The following RIN3 variants were observed in gnomAD, a reference collection of about 807,000 sequenced individuals.
RIN3 encodes RAB5 interacting protein 3.
A neutral mutation model predicts 76.3 loss-of-function variants in RIN3; 54 were observed. The observed-to-expected ratio is 0.71, with a 90% confidence interval of 0.57 to 0.89. RIN3 has a LOEUF of 0.89. RIN3 is among the 40% of genes least tolerant of loss of function. The pLI is 0.00. For synonymous variants in RIN3, 576 were observed against 564.0 expected, an observed-to-expected ratio of 1.02 and a Z score of -0.30; for missense variants, 1,256 against 1,322.1, an observed-to-expected ratio of 0.95 and a Z score of 0.78.
At chr14:92,547,073 TTA>T (rs1897287981) in intron 1 of RIN3, among the ~76,000 whole-genome samples, 1 of 71,250 alleles carries the variant, frequency 1.4e-5, no homozygotes, top group Non-Finnish European at 3.6e-5. Context: ...ATATTTTATT[TTA>T]TATTATATTA....
intron 8 of RIN3, among the ~76,000 whole-genome samples, chr14:92,683,106 G>A (rs1401773776): frequency 6.6e-6 from 1 of 152,090 alleles, no homozygotes; most frequent in Non-Finnish European, 1.5e-5. Context: ...GGCGGAGGTT[G>A]CAATGTGCCT....
At chr14:92,583,190 T>G (rs1016941924) in intron 3 of RIN3, among the ~76,000 whole-genome samples, 2 of 152,312 alleles carry the variant, frequency 1.3e-5, no homozygotes, top group East Asian at 3.9e-4. Context: ...GGCCCAGGCC[T>G]GGAACTGGGG....
intron 5 of RIN3, among the ~76,000 whole-genome samples, chr14:92,649,934 G>A (rs1335724921): frequency 6.6e-6 from 1 of 152,164 alleles, no homozygotes; most frequent in African/African-American, 2.4e-5. Flanking sequence ...CTTCCGGTCT[G>A]TTTCTTCAGT....
At chr14:92,669,671 G>A (rs932602878) in intron 7 of RIN3, among the ~76,000 whole-genome samples, 3 of 152,146 alleles carry the variant, frequency 2.0e-5, no homozygotes, top group Admixed American at 6.5e-5. Context: ...TTGATAAGAT[G>A]CTCAGTCCTT....
intron 2 of RIN3, among the ~76,000 whole-genome samples, chr14:92,567,726 C>T (rs1337558727): frequency 6.6e-6 from 1 of 150,444 alleles, no homozygotes; most frequent in Non-Finnish European, 1.5e-5. Context: ...GCAGCAAAGA[C>T]TTTGTGGCTC....
chr14:92,674,889 CAAAAAAAA>C (rs34494858), intron 7 of RIN3, among the ~76,000 whole-genome samples: 1 of 118,544 alleles, frequency 8.4e-6, no homozygotes, highest in East Asian at 2.5e-4. Flanking sequence ...AACTCTGTCT[CAAAAAAAA>C]AAAAAAAAGG....
intron 3 of RIN3, among the ~76,000 whole-genome samples, chr14:92,611,559 A>G (rs936650087): frequency 5.9e-5 from 9 of 152,086 alleles, no homozygotes; most frequent in African/African-American, 2.2e-4. Flanking sequence ...AGCCCATCAC[A>G]TGGCCTTCTT....
intron 2 of RIN3, among the ~76,000 whole-genome samples, chr14:92,576,764 G>A (rs1898251623): frequency 6.6e-6 from 1 of 152,210 alleles, no homozygotes; most frequent in Non-Finnish European, 1.5e-5. Flanking sequence ...GGAGAGGATA[G>A]AGCAAGTTAC....
rs1455328342 is a variant in RIN3, at chr14:92,688,098, C to A, written c.2804C>A (p.Ala935Glu). The change falls in exon 10 of 10, where the codon GCG (alanine) becomes GAG (glutamate). Residue 935 changes from alanine to glutamate, a missense_variant. Ala to Glu is a moderately radical substitution (Grantham distance 107). Transcript: ENST00000216487. ...GTGGACGGGCGCTGCTTCCAGCTGG[C>A]GGACGACGCGCTGCCGCACTGCATC... ...VLVDGRCFQL[A>E]DDALPHCIKG... 6.2e-7 allele frequency: 1 copy of A among 1,606,998 alleles called. No homozygotes were observed. Among genetic ancestry groups the A allele is most frequent in the African/African-American group, 1.3e-5 (1 of 74,970 alleles).
intron 4 of RIN3, among the ~76,000 whole-genome samples, chr14:92,639,106 C>T (rs1436146984): frequency 6.6e-6 from 1 of 152,194 alleles, no homozygotes; most frequent in Admixed American, 6.5e-5. Flanking sequence ...CTTGGAGCCT[C>T]GTGGTGAGTG....
At chr14:92,592,011 A>T (rs1485759872) in intron 3 of RIN3, among the ~76,000 whole-genome samples, 1 of 152,236 alleles carries the variant, frequency 6.6e-6, no homozygotes, top group Non-Finnish European at 1.5e-5. Flanking sequence ...TCTATTACTT[A>T]TGCTTATGTG....
At chr14:92,526,879 C>T (rs545926841) in intron 1 of RIN3, among the ~76,000 whole-genome samples, 1 of 152,196 alleles carries the variant, frequency 6.6e-6, no homozygotes, top group Admixed American at 6.5e-5. Flanking sequence ...AGTCTGAAAT[C>T]AAGTTACAGC....
chr14:92,653,069 G>A lies in RIN3; in HGVS notation c.2020G>A (p.Glu674Lys). 1 of 1,600,776 alleles carries A rather than the reference G, an allele frequency of 6.2e-7. No individual in the cohort carries two copies. Among genetic ancestry groups the A allele is most frequent in the Non-Finnish European group, 8.5e-7 (1 of 1,178,098 alleles). ...LVDPALHSEEELEAIVESALY... is the reference protein window; with the variant it reads ...LVDPALHSEEKLEAIVESALY... ...GGACCCCGCCCTGCACTCCGAGGAG[G>A]AGCTCGGTCAGTGCCCTGGGAGGAG... Residue 674 changes from glutamate (E) to lysine (K), a missense_variant, in exon 6 of 10, where the codon GAG becomes AAG. This residue lies in a region of RIN3 where 428 missense variants were observed against 521.2 expected (regional missense o/e 0.82). Transcript: ENST00000216487.
intron 1 of RIN3, among the ~76,000 whole-genome samples, chr14:92,542,063 CAGG>C (rs955163550): frequency 6.6e-6 from 1 of 152,108 alleles, no homozygotes; most frequent in Admixed American, 6.5e-5. Context: ...AAAGCTGAGG[CAGG>C]AGGATTGCTT....
At chr14:92,592,540 C>T (rs564179263) in intron 3 of RIN3, among the ~76,000 whole-genome samples, 1 of 151,790 alleles carries the variant, frequency 6.6e-6, no homozygotes, top group African/African-American at 2.4e-5. Context: ...AACCTATGCA[C>T]ACCCTCCTGT....
At chr14:92,529,307 G>C (rs55703805) in intron 1 of RIN3, among the ~76,000 whole-genome samples, 9,408 of 150,030 alleles carry the variant, frequency 0.063, 1,002 homozygotes, top group African/African-American at 0.22. Flanking sequence ...GGAGTGCAGT[G>C]GTGTGATCTC....
Position 92,652,045 on chromosome 14 carries a change from T to C in RIN3, c.996T>C (p.His332=), listed in dbSNP as rs1463705198. ...VTPHAPGPPD[H]PNQPPMMTCE... ...CCCATGCCCCAGGTCCCCCAGACCA[T>C]CCGAACCAGCCGCCCATGATGACCT... The change falls in exon 6 of 10, where the codon CAT becomes CAC. Residue 332 remains histidine, a synonymous_variant. Coordinates refer to ENST00000216487, the MANE Select transcript of RIN3 (RefSeq NM_024832.5). This position sits in a 1 kb window ranked among gnomAD's most constrained non-coding sequence, Gnocchi z 6.4. 1 of 1,394,548 alleles carries C rather than the reference T, an allele frequency of 7.2e-7. No individual in the cohort carries two copies. Among genetic ancestry groups the C allele is most frequent in the East Asian group, 3.4e-5 (1 of 29,070 alleles). The allele number at this position is 1,394,548 out of a possible 1,614,324, so 86.4% of individuals were successfully genotyped here. A position where few individuals can be genotyped will look rare whatever the true frequency, so the allele number is the denominator to read the frequency against.
intron 1 of RIN3, among the ~76,000 whole-genome samples, chr14:92,550,523 C>T (rs1424628785): frequency 2.0e-5 from 3 of 152,178 alleles, no homozygotes; most frequent in African/African-American, 7.2e-5. Context: ...AGCAATCCTC[C>T]TACCTTAGCC....
At chr14:92,581,110 A>G (rs1885747) in intron 3 of RIN3, among the ~76,000 whole-genome samples, 28,274 of 152,142 alleles carry the variant, frequency 0.19, 2,725 homozygotes, top group Middle Eastern at 0.21. Flanking sequence ...TGATGACAGC[A>G]GAAGAGGTAG....
Sources: allele counts gnomAD v4.1 joint callset (sites outside exome capture counted in the v4.1 genomes callset), GRCh38; gene constraint gnomAD v4.1.1; regional missense constraint gnomAD v4.1.1; non-coding constraint Gnocchi (gnomAD v3.1); transcripts MANE v1.5; gene names NCBI Gene and HGNC (gene_info 2026-07-23, HGNC 2026-07-21).